Variants in STON2 observed in about 807,000 individuals in gnomAD.
STON2 encodes stonin 2.
In STON2, 29 loss-of-function variants were observed where a neutral mutation model predicts 65.7. The observed-to-expected ratio is 0.44, with a 90% CI of 0.33 to 0.60. The LOEUF is 0.60. Ranked by LOEUF, STON2 falls within the 20% of genes least tolerant of loss-of-function variation. The pLI, the probability that STON2 is intolerant of heterozygous loss-of-function variation, is 0.03. For missense variants in STON2, 1,054 were observed against 1,118.1 expected (o/e 0.94, Z 0.82); for synonymous variants, 404 against 414.2 (o/e 0.98, Z 0.30).
At chr14:81,322,274 A>G (rs1306726087) in intron 5 of STON2, among the ~76,000 whole-genome samples, 4 of 152,202 alleles carry the variant, frequency 2.6e-5, no homozygotes, top group Non-Finnish European at 5.9e-5. Flanking sequence ...GTAGCATCCA[A>G]TGTACAAATG....
chr14:81,303,850 C>T (rs138502653), intron 5 of STON2, among the ~76,000 whole-genome samples: 10 of 152,264 alleles, frequency 6.6e-5, no homozygotes, highest in African/African-American at 2.2e-4. Flanking sequence ...TGAAGTAGAA[C>T]GCATATACAG....
intron 5 of STON2, among the ~76,000 whole-genome samples, chr14:81,281,010 CAA>C (rs796161809): frequency 7.9e-5 from 5 of 63,062 alleles, no homozygotes; most frequent in African/African-American, 4.7e-5. Context: ...AACTCCGTCT[CAA>C]AAAAAAAAAA....
Position 81,270,819 on chromosome 14 carries a change from C to T in STON2, c.2635G>A (p.Glu879Lys). ...TGATTGGCAAATCTGGAAGGCACTTCCCGGTCAGAGCCGAGTTCAAGGTGG... is the reference window on the plus strand; with the variant it reads ...TGATTGGCAAATCTGGAAGGCACTTTCCGGTCAGAGCCGAGTTCAAGGTGG... ...FCHLELGSDR[E>K]VPSRFANHVN... Residue 879 changes from glutamate (E) to lysine (K), a missense_variant, in exon 7 of 8, where the codon GAA (glutamate) becomes AAA (lysine). Physicochemically the swap from Glu to Lys is moderately conservative, Grantham distance 56. Transcript: ENST00000614646. 1 of 1,613,950 alleles carries T rather than the reference C, an allele frequency of 6.2e-7. No individual in the cohort carries two copies. Among genetic ancestry groups the T allele is most frequent in the South Asian group, 1.1e-5 (1 of 91,070 alleles).
intron 5 of STON2, among the ~76,000 whole-genome samples, chr14:81,286,177 T>C (rs1217901952): frequency 6.6e-6 from 1 of 152,140 alleles, no homozygotes; most frequent in African/African-American, 2.4e-5. Flanking sequence ...TAAGTAAACA[T>C]TGAAAATATG....
intron 4 of STON2, among the ~76,000 whole-genome samples, 132 bp from the exon 5 acceptor site, chr14:81,324,319 T>A (rs1224750883): frequency 6.6e-6 from 1 of 152,254 alleles, no homozygotes; most frequent in Admixed American, 6.5e-5. Context: ...GAGCCTGAGA[T>A]CTCCCTTCTG....
intron 4 of STON2, among the ~76,000 whole-genome samples, chr14:81,330,959 A>G (rs1289827124): frequency 6.6e-6 from 1 of 152,250 alleles, no homozygotes; most frequent in Non-Finnish European, 1.5e-5. Context: ...AGCTGTGCTC[A>G]CATTTGGGGT....
At position 81,264,923 on chromosome 14, in the gene STON2, A is replaced by C; in HGVS notation, c.*3491T>G. 1.0e-6 allele frequency: 1 copy of C among 985,398 alleles called. No individual in the cohort carries two copies. The highest frequency in any genetic ancestry group is 1.2e-6 in the Non-Finnish European group (1 of 829,932). The allele number at this position is 985,398 out of a possible 1,614,324, so 61.0% of individuals were successfully genotyped here. On this transcript the variant is annotated 3_prime_UTR_variant, in exon 8 of 8. Coordinates refer to ENST00000614646, the MANE Select transcript of STON2 (RefSeq NM_001394390.1). ...AGTACATTTCTTATCTTTTTGCTGTAAAGTCAAAAAGCAGGCCCTAGACTC... is the reference window on the plus strand; with the variant it reads ...AGTACATTTCTTATCTTTTTGCTGTCAAGTCAAAAAGCAGGCCCTAGACTC...
intron 4 of STON2, 75 bp downstream of exon 4, chr14:81,370,913 T>C (rs1898954388): frequency 7.1e-7 from 1 of 1,400,114 alleles, no homozygotes; most frequent in Non-Finnish European, 9.8e-7. Flanking sequence ...CAGCAATTTT[T>C]AAAAGGACTT....
At chr14:81,269,785 A>G (rs926429850) in intron 7 of STON2, 4 of 985,302 alleles carry the variant, frequency 4.1e-6, no homozygotes, top group African/African-American at 1.7e-5. Context: ...TTAATCTCCT[A>G]TTGAATTTCT....
chr14:81,272,376 A>G (rs1485154951), intron 6 of STON2, among the ~76,000 whole-genome samples: 1 of 152,202 alleles, frequency 6.6e-6, no homozygotes, highest in African/African-American at 2.4e-5. Context: ...GAACCCCCAT[A>G]TAGCAACTAG....
chr14:81,266,172 A>T lies in STON2; in HGVS notation c.*2242T>A, dbSNP rs183805151. 1 of 880,062 alleles carries T rather than the reference A, an allele frequency of 1.1e-6. No homozygotes were observed. The highest frequency in any genetic ancestry group is 6.2e-5 in the Admixed American group (1 of 16,178). The allele number at this position is 880,062 out of a possible 1,614,324, so 54.5% of individuals were successfully genotyped here. A position where few individuals can be genotyped will look rare whatever the true frequency, so the allele number is the denominator to read the frequency against. On this transcript the variant is annotated 3_prime_UTR_variant, in exon 8 of 8. Transcript: ENST00000614646. ...GAATCTTGGTAGACATATAGACCAAATCCAATGTAAGATTCCCTTTCACAG... is the reference window on the plus strand; with the variant it reads ...GAATCTTGGTAGACATATAGACCAATTCCAATGTAAGATTCCCTTTCACAG...
At chr14:81,309,404 T>C (rs971507860) in intron 5 of STON2, among the ~76,000 whole-genome samples, 3 of 152,258 alleles carry the variant, frequency 2.0e-5, no homozygotes, top group South Asian at 4.1e-4. Context: ...ATATCTTGAA[T>C]GTATATTTAT....
chr14:81,347,299 T>C (rs1897845748), intron 4 of STON2, among the ~76,000 whole-genome samples: 1 of 152,090 alleles, frequency 6.6e-6, no homozygotes. Context: ...TGAACATCTA[T>C]ATGTGAACAA....
chr14:81,351,293 T>C (rs1898015409), intron 4 of STON2, among the ~76,000 whole-genome samples: 1 of 151,610 alleles, frequency 6.6e-6, no homozygotes, highest in Non-Finnish European at 1.5e-5. Context: ...CCAAGAATTA[T>C]GCTGAAAACT....
chr14:81,266,230 G>T lies in STON2; in HGVS notation c.*2184C>A. ...GATAGGTGGTTATTTTAACTGTTGGGCATTCACAGGAACAGGAAATCTTAC... is the reference window on the plus strand; with the variant it reads ...GATAGGTGGTTATTTTAACTGTTGGTCATTCACAGGAACAGGAAATCTTAC... On this transcript the variant is annotated 3_prime_UTR_variant, in exon 8 of 8. Coordinates refer to ENST00000614646, the MANE Select transcript of STON2 (RefSeq NM_001394390.1). The T allele has an allele frequency of 2.7e-6, 1 of 366,128 alleles. No individual in the cohort carries two copies. The highest frequency in any genetic ancestry group is 3.8e-6 in the Non-Finnish European group (1 of 263,900). The allele number at this position is 366,128 out of a possible 1,614,324, so 22.7% of individuals were successfully genotyped here.
chr14:81,397,037 A>G (rs1595441304), intron 2 of STON2, among the ~76,000 whole-genome samples: 1 of 152,170 alleles, frequency 6.6e-6, no homozygotes, highest in East Asian at 1.9e-4. Flanking sequence ...CAGCCTGGGC[A>G]ACAAGAGCGA....
chr14:81,412,402 G>C lies in STON2; in HGVS notation c.-198-13822C>G, dbSNP rs8008519. Among the ~76,000 whole-genome samples the C allele has an allele frequency of 1.3e-3, 177 of 140,028 alleles. 44 individuals carry two copies. Among genetic ancestry groups the C allele is most frequent in the African/African-American group, 5.0e-3 (170 of 34,204 alleles). The allele number at this position is 140,028 out of a possible 152,430, so 91.9% of individuals were successfully genotyped here. Reference sequence around the variant, plus strand: ...TATACATGCAATGGAACATTATTCAGCCTTAAAAAGAAAGCAAATTCTGAT... The same window carrying C: ...TATACATGCAATGGAACATTATTCACCCTTAAAAAGAAAGCAAATTCTGAT... On this transcript the variant is annotated intron_variant, in intron 2 of 8. Coordinates refer to the STON2 transcript ENST00000553821.
At chr14:81,355,522 C>G (rs1898191875) in intron 4 of STON2, among the ~76,000 whole-genome samples, 1 of 152,056 alleles carries the variant, frequency 6.6e-6, no homozygotes, top group South Asian at 2.1e-4. Flanking sequence ...AACCTGCCAA[C>G]CAAGAATACT....
Position 81,265,790 on chromosome 14 carries a change from A to G in STON2, c.*2624T>C. The G allele has an allele frequency of 1.0e-6, 1 of 985,356 alleles. No individual in the cohort carries two copies. Among genetic ancestry groups the G allele is most frequent in the Non-Finnish European group, 1.2e-6 (1 of 829,922 alleles). 61.0% of individuals were successfully genotyped at this position (985,356 alleles called of 1,614,324 possible). On this transcript the variant is annotated 3_prime_UTR_variant, in exon 8 of 8. Transcript: ENST00000614646. ...CAAAAAAGTCCAGGTGCATGTACAC[A>G]GGAAATGAGAATTTACCATGGGGGG...
Sources: allele counts gnomAD v4.1 joint callset (sites outside exome capture counted in the v4.1 genomes callset), GRCh38; gene constraint gnomAD v4.1.1; transcripts MANE v1.5; gene names NCBI Gene and HGNC (gene_info 2026-07-23, HGNC 2026-07-21).